DPEP1: variants seen among roughly 807,000 people sequenced by gnomAD.
DPEP1 encodes the protein dipeptidase 1.
DPEP1 carries 50 observed loss-of-function variants against 42.3 expected under a neutral mutation model. The observed-to-expected ratio is 1.18, with a 90% CI of 0.94 to 1.50. The LOEUF is 1.50. DPEP1 is among the 40% of genes most tolerant of loss of function. DPEP1 has a pLI of 0.00. For missense variants in DPEP1, 663 were observed against 553.0 expected, an observed-to-expected ratio of 1.20 and a Z score of -1.99; for synonymous variants, 297 against 234.0, an observed-to-expected ratio of 1.27 and a Z score of -2.46.
rs751000812 is a variant in DPEP1 at position 89,627,272 on chromosome 16, CA to C, written c.-106-3016del. Among the ~76,000 whole-genome samples the C allele has an allele frequency of 2.3e-3, 189 of 80,588 alleles. 1 individual carries two copies. The highest frequency in any genetic ancestry group is 8.3e-3 in the Middle Eastern group (1 of 120). The allele number at this position is 80,588 out of a possible 152,430, so 52.9% of individuals were successfully genotyped here. A position where few individuals can be genotyped will look rare whatever the true frequency, so the allele number is the denominator to read the frequency against. On this transcript the variant is annotated intron_variant, in intron 1 of 10. Coordinates refer to ENST00000690203, the MANE Select transcript of DPEP1 (RefSeq NM_001389466.1). ...TGGGCAATAGAGTGAGACTCCGTCT[CA>C]AAAAAAAAAAAAAAAAGTCAGATGT...
At chr16:89,628,201 C>G (rs796656208) in intron 1 of DPEP1, among the ~76,000 whole-genome samples, 19 of 148,686 alleles carry the variant, frequency 1.3e-4, no homozygotes, top group African/African-American at 4.7e-4. Context: ...GGATTACAGG[C>G]GTGAGCCACC....
At position 89,634,571 on chromosome 16, in the gene DPEP1, CT is replaced by C. The variant is rs147191096; in HGVS notation, c.105-1336del. 3.5e-3 allele frequency among the ~76,000 whole-genome samples: 185 copies of C among 53,470 alleles called. 5 individuals carry two copies. The highest frequency in any genetic ancestry group is 6.9e-3 in the Non-Finnish European group (124 of 17,852). 35.1% of individuals were successfully genotyped at this position (53,470 alleles called of 152,430 possible). ...CCCTTCCTTCTCCTTTCCCTTCCTT[CT>C]CCTTTCCCCTTCCTTCTCCTTTCCC... is the stretch of plus-strand genomic sequence containing the variant. On this transcript the variant is annotated intron_variant, in intron 2 of 10. Transcript: ENST00000690203.
downstream of DPEP1, among the ~76,000 whole-genome samples, chr16:89,641,509 A>G (rs138759751): frequency 1.1e-4 from 16 of 152,332 alleles, no homozygotes; most frequent in African/African-American, 3.4e-4. Flanking sequence ...GATTATTATA[A>G]TATTGGAATA....
chr16:89,616,838 A>C (rs551213261), intron 1 of DPEP1: 19 of 242,396 alleles, frequency 7.8e-5, no homozygotes, highest in African/African-American at 2.9e-4. Flanking sequence ...CAGGAAGCGG[A>C]CAGGAAGTGG....
intron 2 of DPEP1, among the ~76,000 whole-genome samples, chr16:89,635,457 C>A (rs961619859): frequency 6.6e-6 from 1 of 152,192 alleles, no homozygotes; most frequent in Non-Finnish European, 1.5e-5. Flanking sequence ...TCAGGCCGTT[C>A]CAATTACCCA....
chr16:89,639,083 A>C (rs1161798565), downstream of DPEP1, among the ~76,000 whole-genome samples: 1 of 25,870 alleles, frequency 3.9e-5, no homozygotes, highest in Non-Finnish European at 6.9e-5. Context: ...CACACACCCC[A>C]TTCCTGCACA....
At chr16:89,620,624 G>GA (rs934644414) in intron 1 of DPEP1, 3 of 152,342 alleles carry the variant, frequency 2.0e-5, no homozygotes, top group Non-Finnish European at 4.4e-5. Context: ...GGAGGTGGCT[G>GA]TTCTGTAGCT....
In DPEP1 at chr16:89,636,383, C is replaced by A; in HGVS notation, c.357C>A (p.Val119=). The part of the protein sequence containing the change: ...CRMYPETFLY[V]TSSAGIRQAF... ...TGTACCCGGAGACCTTCCTGTATGT[C>A]ACCAGCAGTGCAGGTGGGGTCCTGA... The change falls in exon 4 of 11, where the codon GTC becomes GTA. Residue 119 remains valine, a synonymous_variant. Transcript: ENST00000690203. The A allele has an allele frequency of 6.2e-7, 1 of 1,612,052 alleles. No homozygotes were observed. The highest frequency in any genetic ancestry group is 8.5e-7 in the Non-Finnish European group (1 of 1,179,548).
In DPEP1 at chr16:89,636,315, A is replaced by G. The variant is rs2059678198; in HGVS notation, c.289A>G (p.Arg97Gly). 6.2e-7 allele frequency: 1 copy of G among 1,611,916 alleles called. No homozygotes were observed. The highest frequency in any genetic ancestry group is 1.3e-5 in the African/African-American group (1 of 74,802). Residue 97 changes from arginine (R) to glycine (G), a missense_variant, in exon 4 of 11, where the codon AGG (arginine) becomes GGG (glycine). Coordinates refer to ENST00000690203, the MANE Select transcript of DPEP1 (RefSeq NM_001389466.1). Reference protein sequence around the residue: ...CDTQNKDAVRRTLEQMDVVHR... With the variant: ...CDTQNKDAVRGTLEQMDVVHR... ...CACCCAGAACAAAGACGCCGTGCGG[A>G]GGACGCTGGAGCAGATGGACGTGGT...
chr16:89,626,025 C>T (rs562929984), intron 1 of DPEP1, among the ~76,000 whole-genome samples: 24 of 152,276 alleles, frequency 1.6e-4, no homozygotes, highest in East Asian at 1.9e-4. Context: ...GCGTGGCTTT[C>T]GGCCCCGGTC....
rs527477786 is a variant in DPEP1 at position 89,638,028 on chromosome 16, C to T, written c.1066-24C>T. The T allele has an allele frequency of 3.7e-6, 6 of 1,610,884 alleles. No individual in the cohort carries two copies. In the African/African-American group the frequency reaches 5.3e-5, roughly 14 times the overall value. On this transcript the variant is annotated intron_variant, in intron 10 of 10. Coordinates refer to ENST00000690203, the MANE Select transcript of DPEP1 (RefSeq NM_001389466.1). ...CACCACCACCAGCAGGCAGGCTGCC[C>T]CACCCGTGTCTGTCTGTCCCCAGGC...
At chr16:89,637,067 C>T (rs981130741) in intron 6 of DPEP1, 132 bp downstream of exon 6, 1 of 1,525,678 alleles carries the variant, frequency 6.6e-7, no homozygotes, top group African/African-American at 1.4e-5. Flanking sequence ...AGCCATCCCC[C>T]CAGGGTGGGT....
At chr16:89,637,809 G>A (rs771288706) in intron 9 of DPEP1, 27 bp from the exon 10 acceptor site, 9 of 1,612,624 alleles carry the variant, frequency 5.6e-6, no homozygotes, top group Non-Finnish European at 7.6e-6. Context: ...TAGTGTGGGG[G>A]CCCAGGTTCT....
In DPEP1 at chr16:89,637,487, T is replaced by C. The variant is rs1183317417; in HGVS notation, c.788T>C (p.Val263Ala). 1.2e-6 allele frequency: 2 copies of C among 1,612,812 alleles called. No individual in the cohort carries two copies. Among genetic ancestry groups the C allele is most frequent in the Admixed American group, 1.7e-5 (1 of 60,018 alleles). Residue 263 changes from valine (V) to alanine (A), a missense_variant, in exon 8 of 11, where the codon GTG becomes GCG. Val to Ala is a moderately conservative substitution (Grantham distance 64). Transcript: ENST00000690203. The stretch of plus-strand genomic sequence containing the variant: ...GTGCAGAAACAGACAGACAGCCTGG[T>C]GATGGTGAACTTCTACAACAATTAC... ...LRLVKQTDSL[V>A]MVNFYNNYIS... is the part of the protein sequence containing the mutation.
At chr16:89,616,520 C>T (rs928674500) in intron 1 of DPEP1, among the ~76,000 whole-genome samples, 21 of 152,156 alleles carry the variant, frequency 1.4e-4, no homozygotes, top group African/African-American at 4.8e-4. Flanking sequence ...GTATGGCCGA[C>T]CTCGAGGACA....
chr16:89,626,465 C>G (rs568355865), intron 1 of DPEP1: 1 of 152,356 alleles, frequency 6.6e-6, no homozygotes, highest in Non-Finnish European at 1.5e-5. Flanking sequence ...ATTCTCCTGC[C>G]TCAGCCTCCC....
intron 2 of DPEP1, among the ~76,000 whole-genome samples, chr16:89,630,914 C>A (rs2059579464): frequency 6.6e-6 from 1 of 151,854 alleles, no homozygotes; most frequent in African/African-American, 2.4e-5. Context: ...CTGGCCCCTG[C>A]TGCTTTGTGG....
At chr16:89,617,126 G>C (rs1273918005) in intron 1 of DPEP1, among the ~76,000 whole-genome samples, 1 of 152,166 alleles carries the variant, frequency 6.6e-6, no homozygotes, top group African/African-American at 2.4e-5. Flanking sequence ...GGAATTGCTT[G>C]GCCAGGGTTG....
chr16:89,638,875 C>T (rs1444868840), downstream of DPEP1, among the ~76,000 whole-genome samples: 5 of 74,758 alleles, frequency 6.7e-5, no homozygotes, highest in Non-Finnish European at 1.3e-4. Context: ...ACACCCCACC[C>T]CTGCACACAC....
Sources: gnomAD v4.1 joint callset for allele counts (sites outside exome capture counted in the v4.1 genomes callset) on GRCh38, gnomAD v4.1.1 for gene constraint, MANE v1.5 for transcripts, NCBI Gene and HGNC (gene_info 2026-07-23, HGNC 2026-07-21) for gene names.